Variants in ERAP1 observed in about 807,000 individuals in gnomAD.
ERAP1 encodes the protein adipocyte-derived leucine aminopeptidase.
Under a neutral mutation model 103.7 loss-of-function variants are expected in ERAP1, and 86 were observed. The observed-to-expected ratio is 0.83, with a 90% CI of 0.70 to 0.99. The LOEUF (loss-of-function observed/expected upper bound fraction) is 0.99, where lower values mean the gene tolerates loss of function less well. Ranked by LOEUF, ERAP1 falls within the 50% of genes least tolerant of loss-of-function variation. The probability of loss-of-function intolerance (pLI) is 0.00; values close to 1 mark genes in which losing one functional copy is unlikely to be tolerated. For synonymous variants in ERAP1, 398 were observed against 402.4 expected, an observed-to-expected ratio of 0.99 and a Z score of 0.13; for missense variants, 1,009 against 1,128.4, an observed-to-expected ratio of 0.89 and a Z score of 1.52.
At chr5:96,822,080 C>T in the ERAP1 span, among the ~76,000 whole-genome samples, 2 of 152,196 alleles carry the variant, frequency 1.3e-5, no homozygotes, top group South Asian at 4.1e-4. Flanking sequence ...AGCGTTATCT[C>T]CCGCCATTCC....
At chr5:96,796,171 A>G (rs561660182) in intron 4 of ERAP1, among the ~76,000 whole-genome samples, 10 of 152,354 alleles carry the variant, frequency 6.6e-5, no homozygotes, top group East Asian at 5.8e-4. Context: ...CTAGAGGAAC[A>G]CAAAGCAATT....
At position 96,803,637 on chromosome 5, in the gene ERAP1, C is replaced by T; in HGVS notation, c.290G>A (p.Ser97Asn). 1 of 1,614,156 alleles carries T rather than the reference C, an allele frequency of 6.2e-7. No homozygotes were observed. The highest frequency in any genetic ancestry group is 2.2e-5 in the East Asian group (1 of 44,884). The part of the protein sequence containing the change: ...SQPTSTIILH[S>N]HHLQISRATL... ...GGCCCTAGATATCTGCAGGTGGTGA[C>T]TATGCAGGATGATGGTGCTGGTGGG... is the stretch of plus-strand genomic sequence containing the variant. The change falls in exon 2 of 19, where the codon AGT (serine) becomes AAT (asparagine). Residue 97 changes from serine to asparagine, a missense_variant. Ser to Asn is a conservative substitution (Grantham distance 46, BLOSUM62 1). This residue lies in a region of ERAP1 where 392 missense variants were observed against 455.2 expected (regional missense o/e 0.86). Coordinates refer to ENST00000443439, the MANE Select transcript of ERAP1 (RefSeq NM_001040458.3).
At chr5:96,816,103 A>G in the ERAP1 span, among the ~76,000 whole-genome samples, 1 of 152,188 alleles carries the variant, frequency 6.6e-6, no homozygotes, top group Non-Finnish European at 1.5e-5. Context: ...AAGGGCCAGC[A>G]CTAAAAACTG....
chr5:96,774,696 AT>A lies in ERAP1; in HGVS notation c.*1699del, dbSNP rs143366467. ...TTTTACATTAAAATCTTGGTTGTGT[AT>A]TTTTTTAAAAGAAGGGAAATAGTTT... On this transcript the variant is annotated 3_prime_UTR_variant, in exon 19 of 19. Transcript: ENST00000443439. 3.0e-5 allele frequency: 29 copies of A among 982,656 alleles called. No individual in the cohort carries two copies. Among genetic ancestry groups the A allele is most frequent in the Non-Finnish European group, 3.5e-5 (29 of 827,402 alleles). The allele number at this position is 982,656 out of a possible 1,614,324, so 60.9% of individuals were successfully genotyped here. A position where few individuals can be genotyped will look rare whatever the true frequency, so the allele number is the denominator to read the frequency against.
the ERAP1 span, among the ~76,000 whole-genome samples, chr5:96,844,353 TGAG>T: frequency 6.6e-6 from 1 of 152,332 alleles, no homozygotes; most frequent in East Asian, 1.9e-4. Context: ...TTCCCAGGGC[TGAG>T]TAGTGTAACT....
At chr5:96,931,374 C>G in the ERAP1 span, among the ~76,000 whole-genome samples, 5 of 152,250 alleles carry the variant, frequency 3.3e-5, no homozygotes, top group African/African-American at 1.2e-4. Flanking sequence ...ACACGTTGGT[C>G]TTGAACTTCT....
chr5:96,844,818 T>A, the ERAP1 span, among the ~76,000 whole-genome samples: 1 of 152,224 alleles, frequency 6.6e-6, no homozygotes, highest in Non-Finnish European at 1.5e-5. Flanking sequence ...GCTCAAACTT[T>A]TAAAAAGGGC....
chr5:96,926,462 C>T, the ERAP1 span, among the ~76,000 whole-genome samples: 10 of 152,300 alleles, frequency 6.6e-5, no homozygotes, highest in Non-Finnish European at 1.5e-4. Context: ...AGACACTTCC[C>T]ATTCTTGCCT....
intron 19 of ERAP1, among the ~76,000 whole-genome samples, chr5:96,764,847 GA>G (rs1325989223): frequency 1.3e-5 from 2 of 152,140 alleles, no homozygotes; most frequent in Non-Finnish European, 2.9e-5. Flanking sequence ...ATTTCTAAAT[GA>G]AAGGCACACA....
chr5:96,917,441 T>C, the ERAP1 span: 1 of 1,604,418 alleles, frequency 6.2e-7, no homozygotes, highest in Non-Finnish European at 8.5e-7. Flanking sequence ...GTTAGTAATT[T>C]TTTTCTTCAA....
chr5:96,898,601 G>A, the ERAP1 span, among the ~76,000 whole-genome samples: 1 of 133,160 alleles, frequency 7.5e-6, no homozygotes, highest in Admixed American at 7.8e-5. Context: ...AATTAGCCAG[G>A]TCTGGTGGAT....
chr5:96,791,116 A>C (rs1309620514), intron 8 of ERAP1, among the ~76,000 whole-genome samples: 1 of 152,216 alleles, frequency 6.6e-6, no homozygotes, highest in East Asian at 1.9e-4. Context: ...GAGCCCAGGC[A>C]GCCTTGAGCA....
chr5:96,839,030 A>G, the ERAP1 span, among the ~76,000 whole-genome samples: 1 of 152,250 alleles, frequency 6.6e-6, no homozygotes, highest in Non-Finnish European at 1.5e-5. Context: ...ATAATTTGCT[A>G]GAATGGCTCA....
the ERAP1 span, among the ~76,000 whole-genome samples, chr5:96,834,511 G>C: frequency 6.6e-6 from 1 of 152,206 alleles, no homozygotes; most frequent in Non-Finnish European, 1.5e-5. Context: ...CTGCTAAGTT[G>C]TGATATGGTA....
Position 96,793,399 on chromosome 5 carries a change from C to A in ERAP1, c.1188+1G>T, listed in dbSNP as rs373571843. On this transcript the variant is annotated splice_donor_variant, in intron 7 of 18. Coordinates refer to ENST00000443439, the MANE Select transcript of ERAP1 (RefSeq NM_001040458.3). LOFTEE classifies it high-confidence loss of function. ...AATGTGAAGGATAAATAACTACTTA[C>A]AACTTTCAGTTCAGGATGGGTCACA... is the stretch of plus-strand genomic sequence containing the variant. 48 of 1,608,208 alleles carry A rather than the reference C, an allele frequency of 3.0e-5. No individual in the cohort carries two copies. Among genetic ancestry groups the A allele is most frequent in the Non-Finnish European group, 3.7e-5 (43 of 1,174,824 alleles).
the ERAP1 span, chr5:96,919,549 ATTG>A: frequency 6.6e-6 from 1 of 152,216 alleles, no homozygotes; most frequent in Non-Finnish European, 1.5e-5. Context: ...TTTCTTTTGT[ATTG>A]TTATTTACAA....
At chr5:96,874,717 TA>T in the ERAP1 span, among the ~76,000 whole-genome samples, 1 of 152,164 alleles carries the variant, frequency 6.6e-6, no homozygotes, top group African/African-American at 2.4e-5. Flanking sequence ...GTTGAAATAA[TA>T]AAATGTAGAA....
At chr5:96,874,964 C>G in the ERAP1 span, among the ~76,000 whole-genome samples, 2 of 152,196 alleles carry the variant, frequency 1.3e-5, no homozygotes, top group Non-Finnish European at 2.9e-5. Flanking sequence ...CAACTATAGG[C>G]TGGCATATAG....
upstream of ERAP1, among the ~76,000 whole-genome samples, chr5:96,809,582 A>G (rs1378894755): frequency 3.3e-5 from 5 of 152,154 alleles, no homozygotes; most frequent in African/African-American, 1.2e-4. Context: ...AGGACATTTT[A>G]TAATATAAAG....
Sources: allele counts gnomAD v4.1 joint callset (sites outside exome capture counted in the v4.1 genomes callset), GRCh38; gene constraint gnomAD v4.1.1; regional missense constraint gnomAD v4.1.1; transcripts MANE v1.5; gene names NCBI Gene and HGNC (gene_info 2026-07-23, HGNC 2026-07-21).